Variants in QTMAN observed in about 807,000 individuals in gnomAD.
The protein encoded by QTMAN is tRNA-queuosine alpha-mannosyltransferase.
chr2:144,054,238 G>A, the QTMAN span, among the ~76,000 whole-genome samples: 1 of 151,984 alleles, frequency 6.6e-6, no homozygotes, highest in African/African-American at 2.4e-5. Flanking sequence ...ACAGGTTCAG[G>A]TCCTTAGAAC....
chr2:144,009,729 T>C, the QTMAN span, among the ~76,000 whole-genome samples: 2 of 152,188 alleles, frequency 1.3e-5, no homozygotes, highest in South Asian at 2.1e-4. Context: ...TTACAGACTA[T>C]AGTTTCAAAC....
chr2:144,073,734 CAA>C, the QTMAN span, among the ~76,000 whole-genome samples: 1 of 152,170 alleles, frequency 6.6e-6, no homozygotes, highest in Admixed American at 6.5e-5. Flanking sequence ...AGTTAACATA[CAA>C]AAAAGACTGC....
the QTMAN span, among the ~76,000 whole-genome samples, chr2:144,093,736 G>A: frequency 0.045 from 6,775 of 152,226 alleles, 505 homozygotes; most frequent in African/African-American, 0.15. Context: ...TGTTATCATG[G>A]ATGAAGAAAG....
the QTMAN span, among the ~76,000 whole-genome samples, chr2:144,124,897 G>A: frequency 2.0e-5 from 3 of 152,054 alleles, no homozygotes. Flanking sequence ...CTAAAAAACG[G>A]TCAATGTTCT....
At chr2:144,137,475 G>A in the QTMAN span, among the ~76,000 whole-genome samples, 15 of 151,842 alleles carry the variant, frequency 9.9e-5, no homozygotes, top group Admixed American at 7.9e-4. Context: ...TTTTACTGCT[G>A]TCAGTGAGAC....
the QTMAN span, among the ~76,000 whole-genome samples, chr2:144,130,585 A>C: frequency 2.0e-5 from 3 of 151,964 alleles, no homozygotes; most frequent in East Asian, 5.8e-4. Context: ...TGAACACACA[A>C]ATTAAAAATA....
At chr2:144,210,311 C>T in the QTMAN span, among the ~76,000 whole-genome samples, 1 of 152,078 alleles carries the variant, frequency 6.6e-6, no homozygotes, top group African/African-American at 2.4e-5. Flanking sequence ...TTAGAAAATG[C>T]ATGTGAAGCA....
the QTMAN span, chr2:143,938,164 A>G: frequency 3.3e-5 from 5 of 152,368 alleles, no homozygotes; most frequent in East Asian, 9.6e-4. Context: ...GCCAGGGAAC[A>G]TAGCTGCAAG....
At chr2:143,957,347 A>C in the QTMAN span, 1 of 1,558,354 alleles carries the variant, frequency 6.4e-7, no homozygotes, top group Non-Finnish European at 8.7e-7. Context: ...TATCTTTTAA[A>C]AACAAGAAAA....
chr2:144,182,848 ATATTTTATATATAATATATATATAT>A, the QTMAN span, among the ~76,000 whole-genome samples: 18 of 64,546 alleles, frequency 2.8e-4, no homozygotes, highest in African/African-American at 1.2e-3. Flanking sequence ...TATTATATAT[ATATTTTATATATAATATATATATAT>A]TATATATATA....
the QTMAN span, among the ~76,000 whole-genome samples, chr2:144,294,755 G>A: frequency 6.6e-6 from 1 of 152,128 alleles, no homozygotes; most frequent in African/African-American, 2.4e-5. Flanking sequence ...TTGCCACTGA[G>A]AACTAGTATC....
the QTMAN span, among the ~76,000 whole-genome samples, chr2:144,028,757 G>A: frequency 6.6e-6 from 1 of 152,212 alleles, no homozygotes; most frequent in South Asian, 2.1e-4. Context: ...CTGTCTGCTA[G>A]GATAAATGAA....
At chr2:143,942,245 T>C in the QTMAN span, 4 of 167,132 alleles carry the variant, frequency 2.4e-5, no homozygotes, top group Admixed American at 2.0e-4. Context: ...CAGATAATGA[T>C]AGATGATGGT....
the QTMAN span, among the ~76,000 whole-genome samples, chr2:144,174,077 A>G: frequency 1.3e-5 from 2 of 152,192 alleles, no homozygotes; most frequent in Non-Finnish European, 2.9e-5. Flanking sequence ...CCTCAGGTAT[A>G]CCTTAATAGC....
chr2:144,039,316 C>T, the QTMAN span, among the ~76,000 whole-genome samples: 1 of 152,030 alleles, frequency 6.6e-6, no homozygotes, highest in Non-Finnish European at 1.5e-5. Context: ...TTAAAGAGGG[C>T]ATTCCATGGG....
chr2:144,178,436 T>C, the QTMAN span: 1 of 152,238 alleles, frequency 6.6e-6, no homozygotes, highest in African/African-American at 2.4e-5. Context: ...TTGATTACTA[T>C]AGTCCATCCA....
At chr2:144,071,619 G>A in the QTMAN span, among the ~76,000 whole-genome samples, 1 of 152,112 alleles carries the variant, frequency 6.6e-6, no homozygotes, top group Non-Finnish European at 1.5e-5. Flanking sequence ...CTACACATCT[G>A]AGATGATTTT....
chr2:144,232,125 A>G, the QTMAN span, among the ~76,000 whole-genome samples: 1 of 152,122 alleles, frequency 6.6e-6, no homozygotes, highest in East Asian at 1.9e-4. Flanking sequence ...TGCAAGTTTA[A>G]AAAGATAGCA....
the QTMAN span, among the ~76,000 whole-genome samples, chr2:144,182,808 A>ATTTTAT: frequency 1.9e-5 from 1 of 52,528 alleles, no homozygotes; most frequent in African/African-American, 8.0e-5. Flanking sequence ...TTATATATAT[A>ATTTTAT]ATATATATAT....
Sources: gnomAD v4.1 joint callset for allele counts (sites outside exome capture counted in the v4.1 genomes callset) on GRCh38, gnomAD v4.1.1 for gene constraint, MANE v1.5 for transcripts, NCBI Gene and HGNC (gene_info 2026-07-23, HGNC 2026-07-21) for gene names.